LEF1: variants seen among roughly 807,000 people sequenced by gnomAD.
The protein encoded by LEF1 is lymphoid enhancer-binding factor 1.
LEF1 carries 14 observed loss-of-function variants against 51.2 expected under a neutral mutation model. The observed-to-expected ratio is 0.27, with a 90% CI of 0.18 to 0.43. LEF1 has a LOEUF of 0.43. LEF1 is among the 20% of genes least tolerant of loss of function. The pLI is 1.00. For missense variants in LEF1, 386 were observed against 512.0 expected, an observed-to-expected ratio of 0.75 and a Z score of 2.37; for synonymous variants, 185 against 183.2, an observed-to-expected ratio of 1.01 and a Z score of -0.08.
chr4:108,147,642 TCA>T (rs1449892103), intron 3 of LEF1, among the ~76,000 whole-genome samples: 1 of 152,220 alleles, frequency 6.6e-6, no homozygotes, highest in African/African-American at 2.4e-5. Context: ...AGCCTGCAAT[TCA>T]CAGTCCTATG....
At chr4:108,143,292 C>T (rs1743786987) in intron 3 of LEF1, among the ~76,000 whole-genome samples, 2 of 152,292 alleles carry the variant, frequency 1.3e-5, no homozygotes, top group South Asian at 2.1e-4. Flanking sequence ...GTACAAACTA[C>T]ATGAATTCAG....
At chr4:108,080,381 G>T (rs758640180) in intron 6 of LEF1, among the ~76,000 whole-genome samples, 1 of 152,128 alleles carries the variant, frequency 6.6e-6, no homozygotes, top group Non-Finnish European at 1.5e-5. Context: ...AGAAATTTTT[G>T]CTTTTCAAAC....
At chr4:108,054,161 T>G (rs1048592550) in intron 11 of LEF1, among the ~76,000 whole-genome samples, 1 of 152,124 alleles carries the variant, frequency 6.6e-6, no homozygotes, top group Non-Finnish European at 1.5e-5. Flanking sequence ...GGATCCTGGG[T>G]CCATCGGTTA....
chr4:108,105,978 C>G (rs1741136689), intron 3 of LEF1, among the ~76,000 whole-genome samples: 1 of 152,188 alleles, frequency 6.6e-6, no homozygotes, highest in African/African-American at 2.4e-5. Context: ...GATATTCAGA[C>G]AAGTCAGGCA....
At chr4:108,125,913 AAC>A (rs1742499468) in intron 3 of LEF1, among the ~76,000 whole-genome samples, 1 of 152,220 alleles carries the variant, frequency 6.6e-6, no homozygotes, top group Non-Finnish European at 1.5e-5. Flanking sequence ...TACTAATCAT[AAC>A]AGTGTTAACA....
At chr4:108,081,527 G>T in intron 6 of LEF1, 59 bp downstream of exon 6, 1 of 1,371,128 alleles carries the variant, frequency 7.3e-7, no homozygotes, top group Non-Finnish European at 1.0e-6. Context: ...AGGCGCACAG[G>T]ATGCAAGCAC....
intron 1 of LEF1, among the ~76,000 whole-genome samples, chr4:108,166,954 C>A (rs1745438405): frequency 6.6e-6 from 1 of 152,102 alleles, no homozygotes; most frequent in Non-Finnish European, 1.5e-5. Flanking sequence ...CCCGCACCGC[C>A]CCCGCAGCCC....
At chr4:108,068,966 G>A (rs557003673) in intron 9 of LEF1, among the ~76,000 whole-genome samples, 1 of 152,342 alleles carries the variant, frequency 6.6e-6, no homozygotes, top group East Asian at 1.9e-4. Flanking sequence ...ACTATAGACT[G>A]AATGTTGTGT....
chr4:108,071,081 C>T (rs1187647676), intron 8 of LEF1, among the ~76,000 whole-genome samples: 2 of 152,184 alleles, frequency 1.3e-5, no homozygotes, highest in Non-Finnish European at 2.9e-5. Flanking sequence ...TTAAAAAGAA[C>T]TTTCACTGGT....
intron 3 of LEF1, among the ~76,000 whole-genome samples, chr4:108,150,367 G>C (rs779291388): frequency 1.1e-4 from 17 of 152,134 alleles, no homozygotes; most frequent in Non-Finnish European, 1.9e-4. Context: ...TGGGCCTCTA[G>C]AAGTGAGGAA....
Position 108,047,574 on chromosome 4 carries a change from C to T in LEF1, c.*1184G>A, listed in dbSNP as rs989166306. On this transcript the variant is annotated 3_prime_UTR_variant, in exon 12 of 12. Coordinates refer to ENST00000265165, the MANE Select transcript of LEF1 (RefSeq NM_016269.5). Reference sequence around the variant, plus strand: ...GACAATTTTTAAAAATGTTTTATTACAAAGCTTCTTTTAAAAAAATGCTCA... The same window carrying T: ...GACAATTTTTAAAAATGTTTTATTATAAAGCTTCTTTTAAAAAAATGCTCA... The T allele has an allele frequency of 2.0e-5, 3 of 152,270 alleles. No individual in the cohort carries two copies. Among genetic ancestry groups the T allele is most frequent in the African/African-American group, 7.2e-5 (3 of 41,448 alleles). The allele number at this position is 152,270 out of a possible 1,614,324, so 9.4% of individuals were successfully genotyped here. A position where few individuals can be genotyped will look rare whatever the true frequency, so the allele number is the denominator to read the frequency against.
rs763436744 is a variant in LEF1, at chr4:108,089,260, G to A, written c.415-3C>T. On this transcript the variant is annotated splice_region_variant and splice_polypyrimidine_tract_variant and intron_variant, in intron 3 of 11. Coordinates refer to ENST00000265165, the MANE Select transcript of LEF1 (RefSeq NM_016269.5). ...TGCACCACGGGCACTTTATTTGACTGCAAAGTAACCACAAGGTCAATAGTT... is the reference window on the plus strand; with the variant it reads ...TGCACCACGGGCACTTTATTTGACTACAAAGTAACCACAAGGTCAATAGTT... 2 of 1,612,830 alleles carry A rather than the reference G, an allele frequency of 1.2e-6. No homozygotes were observed. The highest frequency in any genetic ancestry group is 3.3e-5 in the Admixed American group (2 of 59,754).
chr4:108,145,156 A>G (rs976362752), intron 3 of LEF1, among the ~76,000 whole-genome samples: 1 of 152,200 alleles, frequency 6.6e-6, no homozygotes, highest in Non-Finnish European at 1.5e-5. Flanking sequence ...GTTTTACCAG[A>G]AATATTTAAC....
At chr4:108,119,656 G>A (rs1177796524) in intron 3 of LEF1, among the ~76,000 whole-genome samples, 3 of 152,084 alleles carry the variant, frequency 2.0e-5, no homozygotes, top group African/African-American at 4.8e-5. Flanking sequence ...GCCCCATCAC[G>A]ATAGCCTTCA....
chr4:108,094,149 T>C (rs1228429018), intron 3 of LEF1, among the ~76,000 whole-genome samples: 1 of 152,164 alleles, frequency 6.6e-6, no homozygotes, highest in African/African-American at 2.4e-5. Flanking sequence ...GACACTGAGG[T>C]GACCATTTGG....
chr4:108,087,138 T>C (rs931911738), intron 4 of LEF1, among the ~76,000 whole-genome samples: 2 of 152,160 alleles, frequency 1.3e-5, no homozygotes, highest in African/African-American at 4.8e-5. Flanking sequence ...CTAGTAAGCT[T>C]ATTTTCTTCG....
intron 3 of LEF1, among the ~76,000 whole-genome samples, chr4:108,157,175 T>TAC (rs1425931310): frequency 9.7e-4 from 56 of 57,520 alleles, no homozygotes; most frequent in East Asian, 2.8e-3. Context: ...TCTCTATATA[T>TAC]ATATACACAC....
Position 108,099,584 on chromosome 4 carries a change from A to ATGTG in LEF1, c.415-10328_415-10327insCACA, listed in dbSNP as rs1268828208. ...TGTGTGTGTGTGTATATATATATAT[A>ATGTG]TATATATATATATATATATATATAT... On this transcript the variant is annotated intron_variant, in intron 3 of 11. Coordinates refer to ENST00000265165, the MANE Select transcript of LEF1 (RefSeq NM_016269.5). Among the ~76,000 whole-genome samples, 20 of 30,410 alleles carry ATGTG rather than the reference A, an allele frequency of 6.6e-4. 1 individual carries two copies. The highest frequency in any genetic ancestry group is 1.9e-3 in the African/African-American group (20 of 10,318). 20.0% of individuals were successfully genotyped at this position (30,410 alleles called of 152,430 possible). A position where few individuals can be genotyped will look rare whatever the true frequency, so the allele number is the denominator to read the frequency against.
intron 3 of LEF1, among the ~76,000 whole-genome samples, chr4:108,117,250 T>TA (rs935935337): frequency 6.6e-5 from 10 of 152,086 alleles, no homozygotes; most frequent in East Asian, 1.9e-4. Context: ...AAACATTTTT[T>TA]AAAAAAAACC....
Sources: allele counts gnomAD v4.1 joint callset (sites outside exome capture counted in the v4.1 genomes callset), GRCh38; gene constraint gnomAD v4.1.1; transcripts MANE v1.5; gene names NCBI Gene and HGNC (gene_info 2026-07-23, HGNC 2026-07-21).